The following ASCC3 variants were observed in gnomAD, a reference collection of about 807,000 sequenced individuals.
ASCC3 encodes ASC-1 complex subunit P200.
In ASCC3, 158 loss-of-function variants were observed where a neutral mutation model predicts 256.3. The ratio of observed to expected loss-of-function variants is 0.62; its 90% CI spans 0.54 to 0.70. The LOEUF is 0.70. Among genes scored for constraint, ASCC3 ranks in the 30% least tolerant of loss-of-function variants. ASCC3 has a pLI of 0.00. For synonymous variants in ASCC3, 948 were observed against 883.4 expected (o/e 1.07, Z -1.30); for missense variants, 2,259 against 2,626.0 (o/e 0.86, Z 3.05).
intron 18 of ASCC3, among the ~76,000 whole-genome samples, chr6:100,651,988 A>C (rs550721826): frequency 6.6e-6 from 1 of 152,092 alleles, no homozygotes; most frequent in Non-Finnish European, 1.5e-5. Context: ...AATCTGCACA[A>C]TTCACGAATT....
intron 5 of ASCC3, among the ~76,000 whole-genome samples, chr6:100,803,647 C>A (rs553348644): frequency 7.9e-5 from 12 of 152,090 alleles, no homozygotes; most frequent in African/African-American, 2.9e-4. Flanking sequence ...ACAAACAGAC[C>A]TGCAGACAAA....
intron 36 of ASCC3, among the ~76,000 whole-genome samples, chr6:100,574,205 G>A (rs899132160): frequency 6.6e-5 from 10 of 152,068 alleles, no homozygotes; most frequent in Non-Finnish European, 1.5e-4. Context: ...AGAATACATA[G>A]CAAACTTTAA....
intron 10 of ASCC3, among the ~76,000 whole-genome samples, chr6:100,758,617 T>G (rs531936988): frequency 6.6e-6 from 1 of 152,346 alleles, no homozygotes; most frequent in East Asian, 1.9e-4. Context: ...ATATACCACA[T>G]TTTCTTTATC....
At chr6:100,673,827 T>C (rs1444081305) in intron 14 of ASCC3, among the ~76,000 whole-genome samples, 2 of 152,212 alleles carry the variant, frequency 1.3e-5, no homozygotes, top group Non-Finnish European at 2.9e-5. Context: ...AGTCTTCCAT[T>C]GTCTGACCAT....
chr6:100,603,474 T>C (rs1033127040), intron 33 of ASCC3, among the ~76,000 whole-genome samples: 1 of 152,132 alleles, frequency 6.6e-6, no homozygotes, highest in African/African-American at 2.4e-5. Context: ...GGTTTGGGCC[T>C]GTAGCTCAAT....
intron 37 of ASCC3, among the ~76,000 whole-genome samples, chr6:100,538,340 A>C (rs894479823): frequency 1.3e-5 from 2 of 152,118 alleles, no homozygotes; most frequent in Non-Finnish European, 2.9e-5. Flanking sequence ...CACCTTCCTC[A>C]ATAAGTAAAC....
intron 4 of ASCC3, among the ~76,000 whole-genome samples, chr6:100,809,489 T>A (rs980752863): frequency 7.2e-5 from 11 of 152,108 alleles, no homozygotes; most frequent in African/African-American, 2.7e-4. Context: ...TATTATAATC[T>A]TACAGCATCA....
At chr6:100,582,711 T>A (rs575589010) in intron 36 of ASCC3, among the ~76,000 whole-genome samples, 2,334 of 151,890 alleles carry the variant, frequency 0.015, 57 homozygotes, top group African/African-American at 0.054. Context: ...CAGTATGATA[T>A]TGGCTGTGGG....
At chr6:100,585,689 T>C (rs923694132) in intron 36 of ASCC3, among the ~76,000 whole-genome samples, 1 of 152,130 alleles carries the variant, frequency 6.6e-6, no homozygotes, top group African/African-American at 2.4e-5. Flanking sequence ...TTCTGTTCTG[T>C]TTTTTCCCCA....
chr6:100,743,786 TAC>T (rs1780543543), intron 10 of ASCC3, among the ~76,000 whole-genome samples: 1 of 152,160 alleles, frequency 6.6e-6, no homozygotes, highest in South Asian at 2.1e-4. Flanking sequence ...GTACAAATCC[TAC>T]AGTTCCCTAC....
intron 3 of ASCC3, 34 bp downstream of exon 3, chr6:100,864,029 CT>C: frequency 4.9e-6 from 7 of 1,419,454 alleles, no homozygotes; most frequent in Non-Finnish European, 4.7e-6. Context: ...TACTGGTTCT[CT>C]TTAAAAAAAA....
intron 11 of ASCC3, among the ~76,000 whole-genome samples, chr6:100,724,935 TACTAGTC>T (rs1475723129): frequency 1.3e-5 from 2 of 151,980 alleles, no homozygotes; most frequent in Non-Finnish European, 2.9e-5. Context: ...CGTCTACTGA[TACTAGTC>T]AGCATCTCCA....
chr6:100,788,621 G>GA (rs1021941549), intron 8 of ASCC3, among the ~76,000 whole-genome samples: 296 of 144,902 alleles, frequency 2.0e-3, no homozygotes, highest in Non-Finnish European at 3.6e-3. Flanking sequence ...TTTCAGCCAT[G>GA]AAAAAAAAAA....
At chr6:100,765,559 A>G (rs1447378424) in intron 10 of ASCC3, among the ~76,000 whole-genome samples, 21 of 152,188 alleles carry the variant, frequency 1.4e-4, no homozygotes, top group Admixed American at 1.2e-3. Context: ...CCCACTTCAA[A>G]TTGTCCTGCC....
chr6:100,691,418 A>G (rs1314126921), intron 13 of ASCC3, among the ~76,000 whole-genome samples: 5 of 152,158 alleles, frequency 3.3e-5, no homozygotes, highest in African/African-American at 1.2e-4. Flanking sequence ...TGGAGGTAAA[A>G]TAATTTATGT....
chr6:100,639,211 CT>C (rs370064876), intron 24 of ASCC3, among the ~76,000 whole-genome samples: 19 of 152,328 alleles, frequency 1.2e-4, no homozygotes, highest in Middle Eastern at 3.4e-3. Context: ...CAACGAATTA[CT>C]TTTGTTCTGT....
intron 37 of ASCC3, among the ~76,000 whole-genome samples, chr6:100,527,428 G>T (rs1356687681): frequency 6.6e-6 from 1 of 152,124 alleles, no homozygotes; most frequent in Non-Finnish European, 1.5e-5. Flanking sequence ...TGCATTAAGG[G>T]TTTCACCAAG....
intron 30 of ASCC3, among the ~76,000 whole-genome samples, chr6:100,617,795 C>A (rs1773744846): frequency 6.6e-6 from 1 of 152,206 alleles, no homozygotes; most frequent in African/African-American, 2.4e-5. Context: ...TTCTCAGTGA[C>A]CTGTGCCAGT....
At chr6:100,813,710 A>C (rs969954446) in intron 4 of ASCC3, among the ~76,000 whole-genome samples, 1 of 151,986 alleles carries the variant, frequency 6.6e-6, no homozygotes, top group Non-Finnish European at 1.5e-5. Flanking sequence ...CAGAATGGAG[A>C]GATGAAAGAT....
Sources: gnomAD v4.1 joint callset for allele counts (sites outside exome capture counted in the v4.1 genomes callset) on GRCh38, gnomAD v4.1.1 for gene constraint, MANE v1.5 for transcripts, NCBI Gene and HGNC (gene_info 2026-07-23, HGNC 2026-07-21) for gene names.